The following ZNF728 variants were observed in gnomAD, a reference collection of about 807,000 sequenced individuals.
ZNF728 encodes zinc finger protein 728.
ZNF728 carries 12 observed loss-of-function variants against 12.5 expected under a neutral mutation model. That is an observed-to-expected ratio of 0.96 (90% CI 0.61 to 1.55). ZNF728 has a LOEUF of 1.55. Among genes scored for constraint, ZNF728 ranks in the 40% most tolerant of loss-of-function variants. The pLI is 0.00. For missense variants in ZNF728, 692 were observed against 719.2 expected (o/e 0.96, Z 0.43); for synonymous variants, 205 against 240.7 (o/e 0.85, Z 1.37).
rs767685915 is a variant in ZNF728 at position 22,988,424 on chromosome 19, T to C, written c.31A>G (p.Ile11Val). 11 of 1,614,006 alleles carry C rather than the reference T, an allele frequency of 6.8e-6. No individual in the cohort carries two copies. Among genetic ancestry groups the C allele is most frequent in the Admixed American group, 1.7e-5 (1 of 59,994 alleles). Residue 11 changes from isoleucine (I) to valine (V), a missense_variant, in exon 2 of 4, where the codon ATA (isoleucine) becomes GTA (valine). Around this residue, in one of 3 missense-constraint regions of ZNF728, gnomAD observed 440 missense variants for 459.6 expected, o/e 0.96. Transcript: ENST00000594710. MGSLTFRDVAIQFSLEEWQCL... is the reference protein window; with the variant it reads MGSLTFRDVAVQFSLEEWQCL... ...TGCCACTCCTCCAGAGAGAATTGTA[T>C]GGCCACATCCCGAAATGTCAACGAT...
At chr19:22,978,636 G>A (rs1968830638) in intron 3 of ZNF728, among the ~76,000 whole-genome samples, 1 of 152,186 alleles carries the variant, frequency 6.6e-6, no homozygotes, top group South Asian at 2.1e-4. Context: ...CGGGTGGCCT[G>A]TGGGACGAAG....
intron 1 of ZNF728, 33 bp downstream of exon 1, chr19:23,002,995 A>C: frequency 6.3e-7 from 1 of 1,584,312 alleles, no homozygotes; most frequent in Non-Finnish European, 8.6e-7. Flanking sequence ...AGCGGCTGCC[A>C]CTCTCTCGGG....
chr19:22,984,579 C>T (rs199680738), intron 3 of ZNF728, among the ~76,000 whole-genome samples: 216 of 52,086 alleles, frequency 4.1e-3, no homozygotes, highest in Non-Finnish European at 6.7e-3. Context: ...AAAAAAAATA[C>T]ACACACACAC....
intron 1 of ZNF728, among the ~76,000 whole-genome samples, chr19:22,996,036 GATAA>G (rs1234396630): frequency 1.3e-5 from 2 of 151,898 alleles, no homozygotes; most frequent in African/African-American, 4.8e-5. Context: ...ATTCCCACTG[GATAA>G]ATTAATAGCA....
At chr19:22,978,835 C>T (rs1039997778) in intron 3 of ZNF728, among the ~76,000 whole-genome samples, 13 of 132,432 alleles carry the variant, frequency 9.8e-5, no homozygotes, top group Non-Finnish European at 2.0e-4. Context: ...AGGATGTTTA[C>T]TCAGAACCCC....
intron 1 of ZNF728, among the ~76,000 whole-genome samples, chr19:22,996,980 A>C (rs1969057471): frequency 6.6e-6 from 1 of 152,182 alleles, no homozygotes; most frequent in Non-Finnish European, 1.5e-5. Context: ...GATGTTATTA[A>C]GAAACCCCAT....
intron 1 of ZNF728, among the ~76,000 whole-genome samples, chr19:23,002,322 C>G (rs1599536113): frequency 6.6e-6 from 1 of 152,152 alleles, no homozygotes; most frequent in African/African-American, 2.4e-5. Flanking sequence ...CTCAAAAAAA[C>G]TAATTCAAAT....
At chr19:22,980,549 A>C (rs1048596060) in intron 3 of ZNF728, among the ~76,000 whole-genome samples, 1 of 152,090 alleles carries the variant, frequency 6.6e-6, no homozygotes, top group African/African-American at 2.4e-5. Flanking sequence ...CATCTACAGA[A>C]CTCTTTACCC....
At position 22,975,962 on chromosome 19, in the gene ZNF728, T is replaced by G. The variant is rs1568438225; in HGVS notation, c.1375A>C (p.Lys459Gln). 2 of 1,613,110 alleles carry G rather than the reference T, an allele frequency of 1.2e-6. No homozygotes were observed. ...AGGCTTGAGGACCAGCTGAAGACTT[T>G]GCCACATTCTTCACATTTGTAGTGT... ...EKHYKCEECG[K>Q]VFSWSSSLTT... The change falls in exon 4 of 4, where the codon AAA (lysine) becomes CAA (glutamine). Residue 459 changes from lysine (K) to glutamine (Q), a missense_variant. By Grantham distance (53) the Lys-to-Gln change is moderately conservative (BLOSUM62 1). Around this residue, in one of 3 missense-constraint regions of ZNF728, gnomAD observed 244 missense variants for 235.2 expected, o/e 1.04. Transcript: ENST00000594710.
At chr19:22,993,863 T>C (rs115755899) in intron 1 of ZNF728, among the ~76,000 whole-genome samples, 1 of 152,200 alleles carries the variant, frequency 6.6e-6, no homozygotes, top group African/African-American at 2.4e-5. Flanking sequence ...CTGAGTCTGA[T>C]AACTAAAAGG....
At chr19:22,997,173 A>G (rs1969058787) in intron 1 of ZNF728, among the ~76,000 whole-genome samples, 1 of 152,006 alleles carries the variant, frequency 6.6e-6, no homozygotes, top group Admixed American at 6.6e-5. Context: ...CATCTACAGA[A>G]CTCTTCATCT....
At chr19:22,993,590 A>G (rs539479152) in intron 1 of ZNF728, among the ~76,000 whole-genome samples, 120 of 152,342 alleles carry the variant, frequency 7.9e-4, no homozygotes, top group Non-Finnish European at 1.1e-3. Flanking sequence ...AGCACTTACA[A>G]GTGGATTTGC....
At position 22,976,559 on chromosome 19, in the gene ZNF728, C is replaced by T; in HGVS notation, c.778G>A (p.Glu260Lys). ...GACCGGGTGAAGGCTTTGCCACATT[C>T]TTCACATTTGTAATGTTTCTCTCCA... ...HTGEKHYKCE[E>K]CGKAFTRSSS... Residue 260 changes from glutamate to lysine, a missense_variant, in exon 4 of 4, where the codon GAA (glutamate) becomes AAA (lysine). Transcript: ENST00000594710. The T allele has an allele frequency of 4.3e-6, 7 of 1,612,240 alleles. No homozygotes were observed. Among genetic ancestry groups the T allele is most frequent in the Non-Finnish European group, 5.9e-6 (7 of 1,179,592 alleles).
intron 1 of ZNF728, among the ~76,000 whole-genome samples, chr19:22,997,341 A>C (rs1470906107): frequency 6.6e-6 from 1 of 152,198 alleles, no homozygotes; most frequent in Non-Finnish European, 1.5e-5. Flanking sequence ...ATAATTCAAT[A>C]CCAATAAAAC....
At chr19:22,988,804 C>T (rs1446015702) in intron 1 of ZNF728, among the ~76,000 whole-genome samples, 1 of 152,192 alleles carries the variant, frequency 6.6e-6, no homozygotes, top group Admixed American at 6.5e-5. Context: ...GTAATCCCAG[C>T]ACTTTGGGAG....
At chr19:22,992,390 G>A (rs1488414891) in intron 1 of ZNF728, among the ~76,000 whole-genome samples, 4 of 151,918 alleles carry the variant, frequency 2.6e-5, no homozygotes, top group East Asian at 1.9e-4. Context: ...CTATAGGCAT[G>A]AGCCACCACA....
chr19:22,997,618 C>A (rs1969062433), intron 1 of ZNF728, among the ~76,000 whole-genome samples: 1 of 151,768 alleles, frequency 6.6e-6, no homozygotes, highest in Non-Finnish European at 1.5e-5. Context: ...AAAAGCAAAT[C>A]AGTCCCTAAG....
chr19:22,980,913 G>A (rs1041741218), intron 3 of ZNF728, among the ~76,000 whole-genome samples: 12 of 152,074 alleles, frequency 7.9e-5, no homozygotes, highest in African/African-American at 2.7e-4. Context: ...ATGCCCACGA[G>A]AGAAAGCAGG....
intron 1 of ZNF728, among the ~76,000 whole-genome samples, chr19:22,992,883 T>C (rs1030066270): frequency 1.3e-5 from 2 of 152,312 alleles, no homozygotes; most frequent in African/African-American, 4.8e-5. Context: ...GGTCCACTGA[T>C]AAGCCAGGCA....
Sources: allele counts gnomAD v4.1 joint callset (sites outside exome capture counted in the v4.1 genomes callset), GRCh38; gene constraint gnomAD v4.1.1; regional missense constraint gnomAD v4.1.1; transcripts MANE v1.5; gene names NCBI Gene and HGNC (gene_info 2026-07-23, HGNC 2026-07-21).